CNOT6L: variants seen among roughly 807,000 people sequenced by gnomAD.
The protein encoded by CNOT6L is CCR4-NOT transcription complex subunit 6-like.
A neutral mutation model predicts 64.0 loss-of-function variants in CNOT6L; 7 were observed. That is an observed-to-expected ratio of 0.11 (90% CI 0.06 to 0.21). CNOT6L has a LOEUF of 0.21. CNOT6L is among the 10% of genes least tolerant of loss of function. The pLI is 1.00. For missense variants in CNOT6L, 245 were observed against 669.0 expected, an observed-to-expected ratio of 0.37 and a Z score of 6.99; for synonymous variants, 193 against 243.4, an observed-to-expected ratio of 0.79 and a Z score of 1.93.
intron 11 of CNOT6L, 108 bp from the exon 12 acceptor site, chr4:77,720,751 T>TTG: frequency 2.8e-6 from 3 of 1,078,058 alleles, no homozygotes; most frequent in Non-Finnish European, 4.0e-6. Context: ...CTGGTACCTG[T>TTG]TGTCTTGATA....
rs2109823490 is a variant in CNOT6L, at chr4:77,714,418, A to C, written c.*6013T>G. 1 of 148,296 alleles carries C rather than the reference A, an allele frequency of 6.7e-6. No individual in the cohort carries two copies. Among genetic ancestry groups the C allele is most frequent in the Non-Finnish European group, 1.5e-5 (1 of 66,952 alleles). 9.2% of individuals were successfully genotyped at this position (148,296 alleles called of 1,614,324 possible). A position where few individuals can be genotyped will look rare whatever the true frequency, so the allele number is the denominator to read the frequency against. ...ACACCCTGGCCCTTATAGAGAGAAA[A>C]AGTACATACACACTCTCTTTAAAAA... On this transcript the variant is annotated 3_prime_UTR_variant, in exon 12 of 12. Coordinates refer to ENST00000504123, the MANE Select transcript of CNOT6L (RefSeq NM_144571.3).
At chr4:77,798,681 AG>A (rs1343382536) in intron 1 of CNOT6L, among the ~76,000 whole-genome samples, 4 of 152,142 alleles carry the variant, frequency 2.6e-5, no homozygotes, top group Non-Finnish European at 4.4e-5. Flanking sequence ...GAAAGTTTGA[AG>A]GTTTCTTAAA....
chr4:77,816,057 T>A (rs911776050), intron 1 of CNOT6L, among the ~76,000 whole-genome samples: 5 of 152,204 alleles, frequency 3.3e-5, no homozygotes, highest in Non-Finnish European at 5.9e-5. Flanking sequence ...ATAACAGATA[T>A]TTTGGAAAGA....
intron 4 of CNOT6L, among the ~76,000 whole-genome samples, chr4:77,770,297 T>C (rs1235035585): frequency 1.3e-5 from 2 of 152,194 alleles, no homozygotes; most frequent in South Asian, 2.1e-4. Flanking sequence ...TCAGAAGCAG[T>C]TCATTCTCAT....
chr4:77,780,485 T>C (rs1440886661), intron 1 of CNOT6L, among the ~76,000 whole-genome samples: 3 of 152,180 alleles, frequency 2.0e-5, no homozygotes, highest in Admixed American at 2.0e-4. Flanking sequence ...ATTTCAACAG[T>C]ACGAAAAACA....
chr4:77,771,545 T>C (rs998316262), intron 4 of CNOT6L, among the ~76,000 whole-genome samples: 2 of 152,164 alleles, frequency 1.3e-5, no homozygotes, highest in Non-Finnish European at 2.9e-5. Flanking sequence ...TCCTCAATCC[T>C]TAGGAAAATA....
intron 7 of CNOT6L, among the ~76,000 whole-genome samples, chr4:77,742,662 T>G (rs1560582629): frequency 1.3e-5 from 2 of 152,106 alleles, no homozygotes; most frequent in Admixed American, 1.3e-4. Context: ...GAATAGTAAT[T>G]TATATATAAA....
At chr4:77,784,256 A>G (rs1179874788) in intron 1 of CNOT6L, among the ~76,000 whole-genome samples, 3 of 152,242 alleles carry the variant, frequency 2.0e-5, no homozygotes, top group Non-Finnish European at 4.4e-5. Flanking sequence ...CATGAAACAT[A>G]CATAAATACT....
chr4:77,735,476 A>G (rs1722849521), intron 8 of CNOT6L, among the ~76,000 whole-genome samples: 1 of 152,190 alleles, frequency 6.6e-6, no homozygotes. Context: ...TCCAATATTT[A>G]TAACAGATTA....
chr4:77,773,648 C>A, intron 3 of CNOT6L, among the ~76,000 whole-genome samples: 1 of 151,102 alleles, frequency 6.6e-6, no homozygotes, highest in East Asian at 1.9e-4. Context: ...CTAATCACAT[C>A]AAAATACTAA....
rs1458091980 is a variant in CNOT6L, at chr4:77,716,270, T to G, written c.*4161A>C. 6.6e-6 allele frequency: 1 copy of G among 152,094 alleles called. No homozygotes were observed. The highest frequency in any genetic ancestry group is 6.6e-5 in the Admixed American group (1 of 15,250). 9.4% of individuals were successfully genotyped at this position (152,094 alleles called of 1,614,324 possible). ...AAAACCATTATTTTCCAAAAACTGG[T>G]CAGCATATTTTGCAAAGCTATTAAA... On this transcript the variant is annotated 3_prime_UTR_variant, in exon 12 of 12. Transcript: ENST00000504123.
intron 4 of CNOT6L, among the ~76,000 whole-genome samples, chr4:77,763,927 G>A (rs184188357): frequency 4.6e-5 from 7 of 152,254 alleles, no homozygotes; most frequent in East Asian, 3.9e-4. Context: ...TACTTAGACC[G>A]AAACAGTAAT....
At chr4:77,808,892 T>C (rs1292072905) in intron 1 of CNOT6L, among the ~76,000 whole-genome samples, 2 of 152,176 alleles carry the variant, frequency 1.3e-5, no homozygotes, top group Non-Finnish European at 2.9e-5. Context: ...AATGTAAGCA[T>C]TATAGTATAA....
intron 4 of CNOT6L, among the ~76,000 whole-genome samples, chr4:77,766,536 C>A: frequency 7.3e-6 from 1 of 137,706 alleles, no homozygotes; most frequent in Non-Finnish European, 1.6e-5. Context: ...TATGTAAGAA[C>A]TGGAAAAGAA....
chr4:77,813,967 TATA>T (rs1289770425), intron 1 of CNOT6L, among the ~76,000 whole-genome samples: 3 of 152,184 alleles, frequency 2.0e-5, no homozygotes, highest in African/African-American at 7.2e-5. Flanking sequence ...CGGCATGATT[TATA>T]ATGATAGCCA....
intron 4 of CNOT6L, among the ~76,000 whole-genome samples, chr4:77,761,771 A>G (rs1726271998): frequency 6.6e-6 from 1 of 152,184 alleles, no homozygotes; most frequent in Non-Finnish European, 1.5e-5. Context: ...GTCCTAGCCA[A>G]TGTGATAAAG....
At chr4:77,737,406 C>CTTTTTTTTTTTTTTTTTTTTT (rs56952956) in intron 8 of CNOT6L, among the ~76,000 whole-genome samples, 1 of 82,374 alleles carries the variant, frequency 1.2e-5, no homozygotes, top group African/African-American at 4.7e-5. Flanking sequence ...TTGTACCGTT[C>CTTTTTTTTTTTTTTTTTTTTT]TTTTTTTTTT....
Position 77,779,635 on chromosome 4 carries a change from G to A in CNOT6L, c.6-3243C>T, listed in dbSNP as rs570383140. Among the ~76,000 whole-genome samples the A allele has an allele frequency of 2.6e-5, 4 of 152,230 alleles. No individual in the cohort carries two copies. The East Asian group carries it at 5.8e-4, about 22-fold the overall frequency. On this transcript the variant is annotated intron_variant, in intron 1 of 11. Coordinates refer to ENST00000504123, the MANE Select transcript of CNOT6L (RefSeq NM_144571.3). ...CAATACTGCCATATTAGGGGTCAGA[G>A]GTCTCTTTTGGATTTGATTAGGATG... is the stretch of plus-strand genomic sequence containing the variant.
chr4:77,776,139 C>G, intron 2 of CNOT6L, 132 bp downstream of exon 2: 1 of 839,600 alleles, frequency 1.2e-6, no homozygotes, highest in Non-Finnish European at 1.9e-6. Context: ...ACAGAAAACA[C>G]TAGTATCTTA....
Sources: allele counts gnomAD v4.1 joint callset (sites outside exome capture counted in the v4.1 genomes callset), GRCh38; gene constraint gnomAD v4.1.1; transcripts MANE v1.5; gene names NCBI Gene and HGNC (gene_info 2026-07-23, HGNC 2026-07-21).